The following MYO16 variants were observed in gnomAD, a reference collection of about 807,000 sequenced individuals.
The protein encoded by MYO16 is myosin XVI.
MYO16 carries 94 observed loss-of-function variants against 205.3 expected under a neutral mutation model. That is an observed-to-expected ratio of 0.46 (90% CI 0.39 to 0.54). The LOEUF is 0.54. Ranked by LOEUF, MYO16 falls within the 20% of genes least tolerant of loss-of-function variation. The pLI, the probability that MYO16 is intolerant of heterozygous loss-of-function variation, is 0.00. For synonymous variants in MYO16, 988 were observed against 954.0 expected, an observed-to-expected ratio of 1.04 and a Z score of -0.66; for missense variants, 2,315 against 2,387.5, an observed-to-expected ratio of 0.97 and a Z score of 0.63.
rs1880650717 is a variant in MYO16 at position 109,207,433 on chromosome 13, T to C, written c.*597T>C. On this transcript the variant is annotated 3_prime_UTR_variant, in exon 35 of 35. Transcript: ENST00000457511. ...ATTATTTTTTTCCTCCACAGTCCTT[T>C]TTTTTCACCTAACGCACCTAAATCT... 6.6e-6 allele frequency: 1 copy of C among 152,234 alleles called. No homozygotes were observed. The allele number at this position is 152,234 out of a possible 1,614,324, so 9.4% of individuals were successfully genotyped here.
At chr13:108,925,602 A>G (rs1408016057) in intron 16 of MYO16, among the ~76,000 whole-genome samples, 1 of 152,156 alleles carries the variant, frequency 6.6e-6, no homozygotes, top group Non-Finnish European at 1.5e-5. Flanking sequence ...AGTAAATGGC[A>G]TCTCCACTCA....
chr13:108,972,249 C>CTCTATATATATATATATA (rs1178345437), intron 20 of MYO16, among the ~76,000 whole-genome samples: 2 of 2,850 alleles, frequency 7.0e-4, no homozygotes, highest in African/African-American at 2.7e-3. Flanking sequence ...CTCTCTCTCT[C>CTCTATATATATATATATA]TATATATATA....
At chr13:108,657,883 G>A (rs1413382817) in intron 1 of MYO16, among the ~76,000 whole-genome samples, 1 of 152,014 alleles carries the variant, frequency 6.6e-6, no homozygotes, top group Non-Finnish European at 1.5e-5. Flanking sequence ...CAGCAATAAA[G>A]GGCCTTCTTT....
intron 27 of MYO16, among the ~76,000 whole-genome samples, chr13:109,069,231 A>T (rs1260555665): frequency 1.3e-5 from 2 of 152,200 alleles, no homozygotes; most frequent in Non-Finnish European, 2.9e-5. Context: ...AAGTCCAGAG[A>T]TATTCAGTTC....
At chr13:108,918,082 A>G (rs1474906324) in intron 16 of MYO16, among the ~76,000 whole-genome samples, 1 of 152,236 alleles carries the variant, frequency 6.6e-6, no homozygotes, top group African/African-American at 2.4e-5. Context: ...AAATGATTCC[A>G]TATAGTAAAG....
At chr13:108,831,575 C>T (rs684764) in intron 9 of MYO16, among the ~76,000 whole-genome samples, 93,628 of 151,946 alleles carry the variant, frequency 0.62, 29,715 homozygotes, top group Middle Eastern at 0.72. Context: ...TGCCATGGCA[C>T]AATCTCAGCT....
chr13:108,629,607 G>A (rs1195207713), upstream of MYO16: 59 of 473,504 alleles, frequency 1.2e-4, 1 homozygote, highest in South Asian at 3.8e-5. Flanking sequence ...ACAATAGCAC[G>A]TGCACCAGTG....
chr13:108,951,837 G>A (rs896256144), intron 16 of MYO16, among the ~76,000 whole-genome samples: 7 of 152,074 alleles, frequency 4.6e-5, no homozygotes, highest in Non-Finnish European at 1.0e-4. Flanking sequence ...GCGTGGTGGC[G>A]CATGCCTGTA....
At chr13:108,548,987 G>A in the MYO16 span, among the ~76,000 whole-genome samples, 6 of 152,044 alleles carry the variant, frequency 3.9e-5, no homozygotes, top group South Asian at 2.1e-4. Flanking sequence ...TATACAGATC[G>A]ATAAAGAGAA....
intron 19 of MYO16, 52 bp from the exon 20 acceptor site, chr13:108,964,709 C>G: frequency 6.3e-7 from 1 of 1,591,510 alleles, no homozygotes; most frequent in Non-Finnish European, 8.6e-7. Flanking sequence ...TGGTTGGCTT[C>G]TAAATGAGGG....
At chr13:109,124,696 C>A (rs1237410229) in intron 29 of MYO16, among the ~76,000 whole-genome samples, 1 of 152,060 alleles carries the variant, frequency 6.6e-6, no homozygotes, top group Non-Finnish European at 1.5e-5. Flanking sequence ...ACAATATATG[C>A]ATGATATTTC....
At chr13:108,963,419 T>C (rs749669082) in intron 19 of MYO16, among the ~76,000 whole-genome samples, 3 of 152,186 alleles carry the variant, frequency 2.0e-5, no homozygotes, top group Non-Finnish European at 4.4e-5. Context: ...CCTCCATGCA[T>C]AGGTCAGACA....
chr13:108,586,964 C>T, the MYO16 span, among the ~76,000 whole-genome samples: 8 of 152,170 alleles, frequency 5.3e-5, no homozygotes, highest in South Asian at 4.1e-4. Context: ...AAAACACCAG[C>T]GGTTCACTCT....
intron 6 of MYO16, among the ~76,000 whole-genome samples, chr13:108,804,082 G>A (rs996263801): frequency 7.2e-5 from 11 of 152,076 alleles, no homozygotes; most frequent in African/African-American, 1.2e-4. Context: ...GCGTGGCTTC[G>A]GATCTCAGTA....
chr13:108,524,808 C>T, the MYO16 span, among the ~76,000 whole-genome samples: 50,498 of 151,500 alleles, frequency 0.33, 10,337 homozygotes, highest in African/African-American at 0.58. Flanking sequence ...AAGAGTGAGA[C>T]GATAATAGAA....
rs370119118 is a variant in MYO16, at chr13:108,945,555, CT to C, written c.1926-12126del. Among the ~76,000 whole-genome samples, 909 of 152,148 alleles carry C rather than the reference CT, an allele frequency of 6.0e-3. 8 individuals carry two copies. Among genetic ancestry groups the C allele is most frequent in the African/African-American group, 0.02 (814 of 41,522 alleles). ...TCAAAATGGAACCCACATTTCTATTCTTTTTTTATCTTGACTTATTAGGATT... is the reference window on the plus strand; with the variant it reads ...TCAAAATGGAACCCACATTTCTATTCTTTTTTATCTTGACTTATTAGGATT... On this transcript the variant is annotated intron_variant, in intron 16 of 34. Coordinates refer to ENST00000457511, the MANE Select transcript of MYO16 (RefSeq NM_001198950.3).
At chr13:108,561,539 G>A in the MYO16 span, among the ~76,000 whole-genome samples, 284 of 152,298 alleles carry the variant, frequency 1.9e-3, 2 homozygotes, top group African/African-American at 6.6e-3. Flanking sequence ...GTTTTTAACT[G>A]AAACTGAGGT....
chr13:108,844,645 C>T (rs1877424265), intron 10 of MYO16, 152 bp downstream of exon 10: 2 of 770,164 alleles, frequency 2.6e-6, no homozygotes, highest in Non-Finnish European at 3.8e-6. Flanking sequence ...TTTTCATAAA[C>T]AATTAGTGCA....
chr13:108,683,394 T>C (rs17479517), intron 2 of MYO16, among the ~76,000 whole-genome samples: 6,635 of 152,222 alleles, frequency 0.044, 219 homozygotes, highest in South Asian at 0.15. Context: ...TAAGAATTAC[T>C]GATTAATTTA....
Sources: allele counts gnomAD v4.1 joint callset (sites outside exome capture counted in the v4.1 genomes callset), GRCh38; gene constraint gnomAD v4.1.1; transcripts MANE v1.5; gene names NCBI Gene and HGNC (gene_info 2026-07-23, HGNC 2026-07-21).